BEND2: variants seen among roughly 807,000 people sequenced by gnomAD.
BEND2 encodes the protein BEN domain-containing protein 2.
Under a neutral mutation model 43.8 loss-of-function variants are expected in BEND2, and 19 were observed. The ratio of observed to expected loss-of-function variants is 0.43; its 90% CI spans 0.30 to 0.64. The LOEUF is 0.64. Among genes scored for constraint, BEND2 ranks in the 30% least tolerant of loss-of-function variants. The probability of loss-of-function intolerance (pLI) is 0.11; values close to 1 mark genes in which losing one functional copy is unlikely to be tolerated. For missense variants in BEND2, 544 were observed against 574.0 expected, an observed-to-expected ratio of 0.95 and a Z score of 0.53; for synonymous variants, 226 against 210.1, an observed-to-expected ratio of 1.08 and a Z score of -0.66.
chrX:18,198,562 T>G (rs1925035457), intron 6 of BEND2, among the ~76,000 whole-genome samples: 1 of 111,451 alleles, frequency 9.0e-6, no homozygotes. Context: ...CAACAGGTGC[T>G]GGAGAGGATG....
intron 12 of BEND2, among the ~76,000 whole-genome samples, chrX:18,171,558 G>A (rs1450607092): frequency 9.0e-6 from 1 of 110,985 alleles, no homozygotes; most frequent in Non-Finnish European, 1.9e-5. Context: ...TCCCCAGGCT[G>A]GTCTCAAACT....
At chrX:18,210,459 A>G (rs150125513) in intron 4 of BEND2, among the ~76,000 whole-genome samples, 1 of 112,282 alleles carries the variant, frequency 8.9e-6, no homozygotes, top group East Asian at 2.8e-4. Context: ...ACCTTTGCCC[A>G]TCACAAATCC....
rs777448496 is a variant in BEND2 at position 18,179,934 on chromosome X, T to C, written c.1429+576A>G. 3.6e-5 allele frequency among the ~76,000 whole-genome samples: 4 copies of C among 112,327 alleles called. No homozygotes were observed. In the South Asian group the frequency reaches 1.5e-3, roughly 42 times the overall value. ...GCTCATGCCTGTAATCCTAGCACTT[T>C]GGGAGGCCGAGGCAGATGGATCACT... is the stretch of plus-strand genomic sequence containing the variant. On this transcript the variant is annotated intron_variant, in intron 9 of 13. Coordinates refer to ENST00000380033, the MANE Select transcript of BEND2 (RefSeq NM_153346.5).
chrX:18,165,272 A>C, intron 13 of BEND2, 49 bp from the exon 14 acceptor site: 5 of 1,026,015 alleles, frequency 4.9e-6, no homozygotes, highest in Non-Finnish European at 6.8e-6. Flanking sequence ...ATCACTTCTC[A>C]GAGAAATCAA....
chrX:18,201,761 G>A, intron 6 of BEND2, 54 bp downstream of exon 6: 1 of 1,149,340 alleles, frequency 8.7e-7, no homozygotes, highest in South Asian at 2.1e-5. Flanking sequence ...CCAAAGTGCT[G>A]GGATTACAAG....
intron 12 of BEND2, 47 bp from the exon 13 acceptor site, chrX:18,171,251 T>G: frequency 8.9e-7 from 1 of 1,120,005 alleles, no homozygotes; most frequent in Non-Finnish European, 1.2e-6. Flanking sequence ...AAATGTTAGA[T>G]TGCATTATTT....
intron 8 of BEND2, 94 bp downstream of exon 8, chrX:18,190,907 G>T: frequency 1.3e-6 from 1 of 742,864 alleles, no homozygotes; most frequent in Non-Finnish European, 2.0e-6. Context: ...TAGTACTATT[G>T]GGGGAAACTG....
intron 9 of BEND2, among the ~76,000 whole-genome samples, chrX:18,179,192 T>G (rs1263527557): frequency 1.0e-5 from 1 of 98,285 alleles, no homozygotes; most frequent in Admixed American, 1.1e-4. Flanking sequence ...TTTTTTTTTT[T>G]TTTTTTTTTT....
chrX:18,169,682 T>C (rs1479569074), intron 13 of BEND2, among the ~76,000 whole-genome samples: 1 of 112,065 alleles, frequency 8.9e-6, no homozygotes, highest in Non-Finnish European at 1.9e-5. Flanking sequence ...ACAATGACTC[T>C]ACTGTCTTCT....
intron 12 of BEND2, among the ~76,000 whole-genome samples, chrX:18,172,963 A>G (rs1924021199): frequency 9.0e-6 from 1 of 111,348 alleles, no homozygotes; most frequent in Admixed American, 9.6e-5. Context: ...ATGTTTCAAA[A>G]TGTTCACAGG....
intron 13 of BEND2, among the ~76,000 whole-genome samples, chrX:18,168,702 G>A (rs1923885305): frequency 8.9e-6 from 1 of 111,740 alleles, no homozygotes; most frequent in African/African-American, 3.3e-5. Context: ...ACTCTCATCA[G>A]ACAGCATCAG....
intron 12 of BEND2, among the ~76,000 whole-genome samples, chrX:18,172,764 C>T (rs1924015545): frequency 9.0e-6 from 1 of 110,637 alleles, no homozygotes; most frequent in African/African-American, 3.3e-5. Context: ...CCAAAAAACC[C>T]TCAAACCAAA....
chrX:18,175,098 T>G (rs953121375), intron 11 of BEND2, among the ~76,000 whole-genome samples: 3 of 111,696 alleles, frequency 2.7e-5, no homozygotes, highest in Non-Finnish European at 5.6e-5. Context: ...GTGTCTTAAT[T>G]TTACATTCAA....
intron 4 of BEND2, among the ~76,000 whole-genome samples, chrX:18,211,863 T>C (rs1473566781): frequency 9.1e-6 from 1 of 109,892 alleles, no homozygotes; most frequent in Non-Finnish European, 1.9e-5. Context: ...GAATGAAATA[T>C]TAATACTATG....
intron 13 of BEND2, among the ~76,000 whole-genome samples, chrX:18,166,369 G>A (rs1348691059): frequency 1.8e-5 from 2 of 111,628 alleles, no homozygotes; most frequent in East Asian, 2.8e-4. Context: ...TTCTAGTTGC[G>A]CAAATGGGAA....
intron 6 of BEND2, among the ~76,000 whole-genome samples, chrX:18,201,427 A>AAAAAAAAAAAAAAAAAAAAC (rs1925156313): frequency 2.3e-5 from 2 of 86,428 alleles, no homozygotes; most frequent in African/African-American, 4.3e-5. Flanking sequence ...ACAAAAAAAA[A>AAAAAAAAAAAAAAAAAAAAC]AAAACTGGTG....
chrX:18,189,196 T>A (rs1200791833), intron 8 of BEND2, among the ~76,000 whole-genome samples: 1 of 47,925 alleles, frequency 2.1e-5, no homozygotes, highest in Non-Finnish European at 4.2e-5. Flanking sequence ...AGAGAATCCA[T>A]CTCAAAAAAA....
At chrX:18,196,713 C>T (rs1223789101) in intron 6 of BEND2, among the ~76,000 whole-genome samples, 2 of 104,943 alleles carry the variant, frequency 1.9e-5, no homozygotes, top group Non-Finnish European at 3.9e-5. Context: ...AAAAAAAAAC[C>T]TACATGCCAT....
chrX:18,198,228 T>C (rs1306537633), intron 6 of BEND2, among the ~76,000 whole-genome samples: 1 of 110,591 alleles, frequency 9.0e-6, no homozygotes, highest in Non-Finnish European at 1.9e-5. Flanking sequence ...AAAGAGCTTC[T>C]GCACAGCAAA....
Sources: gnomAD v4.1 joint callset for allele counts (sites outside exome capture counted in the v4.1 genomes callset) on GRCh38, gnomAD v4.1.1 for gene constraint, MANE v1.5 for transcripts, NCBI Gene and HGNC (gene_info 2026-07-23, HGNC 2026-07-21) for gene names.